Variants in COL1A2 observed in about 807,000 individuals in gnomAD.
COL1A2 encodes the protein collagen type I alpha 2 chain, also known as collagen alpha-2(I) chain.
Under a neutral mutation model 174.3 loss-of-function variants are expected in COL1A2, and 49 were observed. The observed-to-expected ratio is 0.28, with a 90% CI of 0.22 to 0.36. The LOEUF (loss-of-function observed/expected upper bound fraction) is 0.36, where lower values mean the gene tolerates loss of function less well. COL1A2 is among the 10% of genes least tolerant of loss of function. COL1A2 has a pLI of 1.00. For missense variants in COL1A2, 1,438 were observed against 1,822.7 expected (o/e 0.79, Z 3.84); for synonymous variants, 655 against 606.6 (o/e 1.08, Z -1.17).
chr7:94,425,490 A>T, intron 42 of COL1A2, 120 bp from the exon 43 acceptor site: 1 of 1,071,140 alleles, frequency 9.3e-7, no homozygotes, highest in Non-Finnish European at 1.4e-6. Context: ...TAGTTTTAAC[A>T]GTCTGAAAGA....
rs777648448 is a variant in COL1A2, at chr7:94,426,497, A to G, written c.3072A>G (p.Gly1024=). ...KGPRGLPGLK[G]HNGLQGLPGI... ...CCAGAGGTCTTCCTGGCTTAAAGGG[A>G]CACAATGGATTGCAAGGTCTGCCTG... Residue 1024 remains glycine, a synonymous_variant, in exon 46 of 52, where the codon GGA becomes GGG. Coordinates refer to ENST00000297268, the MANE Select transcript of COL1A2 (RefSeq NM_000089.4). 1 of 1,606,648 alleles carries G rather than the reference A, an allele frequency of 6.2e-7. No homozygotes were observed. Among genetic ancestry groups the G allele is most frequent in the South Asian group, 1.1e-5 (1 of 88,766 alleles).
Position 94,404,536 on chromosome 7 carries a change from T to C in COL1A2, c.280-20T>C, listed in dbSNP as rs1474550914. The C allele has an allele frequency of 6.2e-7, 1 of 1,612,476 alleles. No homozygotes were observed. The highest frequency in any genetic ancestry group is 8.5e-7 in the Non-Finnish European group (1 of 1,179,870). On this transcript the variant is annotated intron_variant, in intron 6 of 51. Coordinates refer to ENST00000297268, the MANE Select transcript of COL1A2 (RefSeq NM_000089.4). ...ACAACTTATCAGTGCTAACTGTTGA[T>C]ATATCTGCTTTCTTTACAGGGCTTA...
At chr7:94,422,729 A>T (rs1388660941) in intron 39 of COL1A2, 2 of 553,134 alleles carry the variant, frequency 3.6e-6, no homozygotes, top group Non-Finnish European at 6.4e-6. Flanking sequence ...GAAATTTGCC[A>T]TAGTCTCTCC....
In COL1A2 at chr7:94,430,287, A is replaced by G; in HGVS notation, c.3995A>G (p.Lys1332Arg). 6.2e-7 allele frequency: 1 copy of G among 1,614,086 alleles called. No individual in the cohort carries two copies. Residue 1332 changes from lysine (K) to arginine (R), a missense_variant, in exon 52 of 52, where the codon AAA (lysine) becomes AGA (arginine). Coordinates refer to ENST00000297268, the MANE Select transcript of COL1A2 (RefSeq NM_000089.4). ...TGGGGAAAGACAATCATTGAATACA[A>G]AACAAATAAGCCATCACGCCTGCCC... ...NEWGKTIIEY[K>R]TNKPSRLPFL...
At position 94,424,411 on chromosome 7, in the gene COL1A2, G is replaced by C. The variant is rs1471299216; in HGVS notation, c.2641G>C (p.Glu881Gln). ...GILGLPGSRGERGLPGVAGAV... is the reference protein window; with the variant it reads ...GILGLPGSRGQRGLPGVAGAV... Reference sequence around the variant, plus strand: ...TCTGGGTCTCCCTGGCTCGAGAGGTGAACGTGGTCTACCAGGTGTTGCTGG... The same window carrying C: ...TCTGGGTCTCCCTGGCTCGAGAGGTCAACGTGGTCTACCAGGTGTTGCTGG... Residue 881 changes from glutamate (E) to glutamine (Q), a missense_variant, in exon 41 of 52, where the codon GAA (glutamate) becomes CAA (glutamine). Physicochemically the swap from Glu to Gln is conservative, Grantham distance 29 (BLOSUM62 2). Coordinates refer to ENST00000297268, the MANE Select transcript of COL1A2 (RefSeq NM_000089.4). 1 of 1,613,978 alleles carries C rather than the reference G, an allele frequency of 6.2e-7. No individual in the cohort carries two copies. The highest frequency in any genetic ancestry group is 8.5e-7 in the Non-Finnish European group (1 of 1,180,020).
In COL1A2 at chr7:94,409,735, G is replaced by T. The variant is rs142803502; in HGVS notation, c.949G>T (p.Val317Phe). 2 of 1,613,974 alleles carry T rather than the reference G, an allele frequency of 1.2e-6. No homozygotes were observed. The highest frequency in any genetic ancestry group is 1.7e-5 in the Admixed American group (1 of 59,988). The change falls in exon 19 of 52, where the codon GTT becomes TTT. Residue 317 changes from valine (V) to phenylalanine (F), a missense_variant. Val to Phe is a conservative substitution (Grantham distance 50). Around this residue, in one of 3 missense-constraint regions of COL1A2, gnomAD observed 867 missense variants for 1,213.7 expected, o/e 0.71. Transcript: ENST00000297268. Reference protein sequence around the residue: ...GAKGAAGLPGVAGAPGLPGPR... With the variant: ...GAKGAAGLPGFAGAPGLPGPR... ...TTTTCCTTCACAGGGCCTTCCCGGCGTTGCTGGGGCTCCCGGCCTCCCTGG... is the reference window on the plus strand; with the variant it reads ...TTTTCCTTCACAGGGCCTTCCCGGCTTTGCTGGGGCTCCCGGCCTCCCTGG...
chr7:94,401,974 A>G (rs973964098), intron 6 of COL1A2, among the ~76,000 whole-genome samples: 13 of 152,146 alleles, frequency 8.5e-5, no homozygotes, highest in Admixed American at 8.5e-4. Flanking sequence ...ATTTTTTAAT[A>G]TTCTTTAACA....
At chr7:94,405,075 A>T in intron 9 of COL1A2, 124 bp from the exon 10 acceptor site, 1 of 1,135,618 alleles carries the variant, frequency 8.8e-7, no homozygotes, top group East Asian at 2.5e-5. Flanking sequence ...GGAAAGATTA[A>T]ATATATATCT....
chr7:94,399,861 G>A lies in COL1A2; in HGVS notation c.133-335G>A, dbSNP rs552297460. On this transcript the variant is annotated intron_variant, in intron 4 of 51. Transcript: ENST00000297268. Reference sequence around the variant, plus strand: ...AGTCAGAGATCGGCAATAAAAATACGATGTAAGTCCTTGTGCACTGTTAAA... The same window carrying A: ...AGTCAGAGATCGGCAATAAAAATACAATGTAAGTCCTTGTGCACTGTTAAA... 3.3e-5 allele frequency among the ~76,000 whole-genome samples: 5 copies of A among 152,210 alleles called. No individual in the cohort carries two copies. In the South Asian group the frequency reaches 6.2e-4, roughly 19 times the overall value.
At chr7:94,401,736 A>G (rs1040940377) in intron 6 of COL1A2, 116 bp downstream of exon 6, 2 of 593,660 alleles carry the variant, frequency 3.4e-6, no homozygotes, top group Non-Finnish European at 5.9e-6. Flanking sequence ...TACTTAGATT[A>G]TATAAAAACA....
intron 51 of COL1A2, 77 bp from the exon 52 acceptor site, chr7:94,430,170 A>G: frequency 4.2e-6 from 6 of 1,428,988 alleles, no homozygotes; most frequent in Admixed American, 1.7e-5. Context: ...AGTGGTTCTT[A>G]TTAAATCAAA....
chr7:94,410,550 A>G (rs1051681116), intron 21 of COL1A2, 23 bp downstream of exon 21: 2 of 1,515,362 alleles, frequency 1.3e-6, no homozygotes, highest in African/African-American at 2.8e-5. Context: ...TGCTCCCAAC[A>G]CCCTAACACA....
In COL1A2 at chr7:94,425,117, G is replaced by A; in HGVS notation, c.2674G>A (p.Gly892Ser). The A allele has an allele frequency of 6.2e-7, 1 of 1,613,850 alleles. No homozygotes were observed. Among genetic ancestry groups the A allele is most frequent in the Non-Finnish European group, 8.5e-7 (1 of 1,179,800 alleles). Residue 892 changes from glycine to serine, a missense_variant and splice_region_variant, in exon 42 of 52, where the codon GGT becomes AGT. Physicochemically the swap from Gly to Ser is moderately conservative, Grantham distance 56 (BLOSUM62 0). Coordinates refer to ENST00000297268, the MANE Select transcript of COL1A2 (RefSeq NM_000089.4). ...RGLPGVAGAVGEPGPLGIAGP... is the reference protein window; with the variant it reads ...RGLPGVAGAVSEPGPLGIAGP... ...CATTTTATCTTCTCTGCCTGTTTAG[G>A]GTGAACCTGGTCCTCTTGGCATTGC...
chr7:94,399,179 T>G, intron 4 of COL1A2, 95 bp downstream of exon 4: 2 of 1,164,946 alleles, frequency 1.7e-6, no homozygotes, highest in Non-Finnish European at 2.6e-6. Context: ...GAATATTATG[T>G]ATCCAGATAA....
At chr7:94,410,582 C>G in intron 21 of COL1A2, 55 bp downstream of exon 21, 1 of 1,424,598 alleles carries the variant, frequency 7.0e-7, no homozygotes, top group Non-Finnish European at 9.7e-7. Flanking sequence ...TTATGATACC[C>G]CTTCACTGGG....
intron 46 of COL1A2, 184 bp from the exon 47 acceptor site, chr7:94,426,824 A>C: frequency 1.5e-6 from 1 of 648,254 alleles, no homozygotes; most frequent in South Asian, 1.9e-5. Flanking sequence ...CTGCTGAAAT[A>C]GGTTGTGAAA....
intron 6 of COL1A2, among the ~76,000 whole-genome samples, chr7:94,403,123 A>T (rs931374159): frequency 6.6e-6 from 1 of 152,332 alleles, no homozygotes; most frequent in Non-Finnish European, 1.5e-5. Flanking sequence ...CGGAAAGTAA[A>T]GAGCTACTAA....
intron 5 of COL1A2, among the ~76,000 whole-genome samples, chr7:94,401,248 A>G (rs1281521505): frequency 2.0e-5 from 3 of 152,108 alleles, no homozygotes; most frequent in Admixed American, 2.0e-4. Flanking sequence ...AAAAGTTTAG[A>G]AAGCTTCCCT....
chr7:94,416,624 T>C, intron 31 of COL1A2, 121 bp downstream of exon 31: 1 of 784,042 alleles, frequency 1.3e-6, no homozygotes, highest in Non-Finnish European at 2.2e-6. Context: ...CTGTGATGAC[T>C]TCCCTCTCAG....
Sources: gnomAD v4.1 joint callset for allele counts (sites outside exome capture counted in the v4.1 genomes callset) on GRCh38, gnomAD v4.1.1 for gene constraint, gnomAD v4.1.1 regional missense constraint, MANE v1.5 for transcripts, NCBI Gene and HGNC (gene_info 2026-07-23, HGNC 2026-07-21) for gene names.